Variants in ATM observed in about 807,000 individuals in gnomAD.
ATM encodes ATM serine/threonine kinase, also known as serine-protein kinase ATM.
A neutral mutation model predicts 387.0 loss-of-function variants in ATM; 308 were observed. The observed-to-expected ratio is 0.80, with a 90% CI of 0.73 to 0.87. The LOEUF is 0.87. ATM is among the 40% of genes least tolerant of loss of function. The pLI is 0.00. For synonymous variants in ATM, 1,156 were observed against 1,187.3 expected, an observed-to-expected ratio of 0.97 and a Z score of 0.54; for missense variants, 3,312 against 3,560.9, an observed-to-expected ratio of 0.93 and a Z score of 1.78.
At chr11:108,311,529 C>T (rs561838707) in intron 39 of ATM, among the ~76,000 whole-genome samples, 2 of 152,086 alleles carry the variant, frequency 1.3e-5, no homozygotes, top group South Asian at 4.2e-4. Flanking sequence ...GACCTCAGCT[C>T]TACTAAAAAT....
intron 4 of ATM, 53 bp downstream of exon 4, chr11:108,229,376 GA>G: frequency 3.1e-6 from 4 of 1,292,108 alleles, no homozygotes; most frequent in Non-Finnish European, 4.2e-6. Flanking sequence ...ACTGTCGCGT[GA>G]GTTTTTTTTT....
At chr11:108,358,393 T>C (rs1374118457) in intron 61 of ATM, among the ~76,000 whole-genome samples, 4 of 148,158 alleles carry the variant, frequency 2.7e-5, no homozygotes, top group South Asian at 2.2e-4. Flanking sequence ...CCAGGAGAAC[T>C]TCCCCAATCT....
chr11:108,365,498 C>A lies in ATM; in HGVS notation c.9161C>A (p.Ala3054Asp). The change falls in exon 63 of 63, where the codon GCT becomes GAT. Residue 3054 changes from alanine to aspartate, a missense_variant. Physicochemically the swap from Ala to Asp is moderately radical, Grantham distance 126. Transcript: ENST00000675843. ...AGCCGACTTTTCCCAGGATGGAAAG[C>A]TTGGGTGTGATCTTCAGTATATGAA... ...NLSRLFPGWK[A>D]WV 6.2e-7 allele frequency: 1 copy of A among 1,614,118 alleles called. No homozygotes were observed. The highest frequency in any genetic ancestry group is 2.2e-5 in the East Asian group (1 of 44,880).
At chr11:108,243,203 A>T (rs890801798) in intron 5 of ATM, among the ~76,000 whole-genome samples, 1 of 152,190 alleles carries the variant, frequency 6.6e-6, no homozygotes, top group Non-Finnish European at 1.5e-5. Context: ...TGGGTGACAG[A>T]GTAAGACTCT....
chr11:108,289,976 C>G (rs1164053554), intron 29 of ATM, 175 bp downstream of exon 29: 3 of 583,906 alleles, frequency 5.1e-6, no homozygotes, highest in Non-Finnish European at 8.9e-6. Flanking sequence ...TTCCTCCTCA[C>G]CCTGCCGGGT....
chr11:108,319,883 G>A (rs981393581), intron 43 of ATM, 71 bp from the exon 44 acceptor site: 7 of 1,083,954 alleles, frequency 6.5e-6, no homozygotes, highest in African/African-American at 4.8e-5. Flanking sequence ...GTCCTTTGGT[G>A]AAGCTATTTA....
chr11:108,333,826 G>C (rs2136605978), intron 53 of ATM, 60 bp from the exon 54 acceptor site: 1 of 1,333,976 alleles, frequency 7.5e-7, no homozygotes, highest in Admixed American at 1.7e-5. Context: ...GACTATTCCT[G>C]CTTGACCTTC....
At position 108,271,349 on chromosome 11, in the gene ATM, A is replaced by G. The variant is rs2135553674; in HGVS notation, c.3020A>G (p.Asp1007Gly). The G allele has an allele frequency of 6.2e-7, 1 of 1,613,868 alleles. No individual in the cohort carries two copies. The highest frequency in any genetic ancestry group is 8.5e-7 in the Non-Finnish European group (1 of 1,179,980). The change falls in exon 20 of 63, where the codon GAC (aspartate) becomes GGC (glycine). Residue 1007 changes from aspartate (D) to glycine (G), a missense_variant. Asp to Gly is a moderately conservative substitution (Grantham distance 94). Around this residue, in one of 4 missense-constraint regions of ATM, gnomAD observed 1,791 missense variants for 1,804.5 expected, o/e 0.99. Transcript: ENST00000675843. The part of the protein sequence containing the change: ...VVKNLGQSNM[D>G]SENTRDAQGQ... ...AAAAACCTAGGTCAAAGCAATATGG[A>G]CTCTGAGAACACAAGGGATGCTCAA... is the stretch of plus-strand genomic sequence containing the variant.
intron 55 of ATM, 29 bp from the exon 56 acceptor site, chr11:108,335,816 T>C (rs2086775041): frequency 1.9e-6 from 3 of 1,545,010 alleles, no homozygotes; most frequent in South Asian, 2.2e-5. Flanking sequence ...TAAACTGTAC[T>C]TGTTTATTCA....
chr11:108,288,522 T>A (rs1033080453), intron 27 of ATM, among the ~76,000 whole-genome samples: 2 of 142,150 alleles, frequency 1.4e-5, no homozygotes, highest in South Asian at 4.6e-4. Context: ...TTTTTTTTAA[T>A]GTGCCCTACT....
At chr11:108,318,698 A>C (rs2084961093) in intron 43 of ATM, among the ~76,000 whole-genome samples, 1 of 151,576 alleles carries the variant, frequency 6.6e-6, no homozygotes, top group Non-Finnish European at 1.5e-5. Context: ...CAAAAAAACA[A>C]AAAAAACACT....
chr11:108,286,901 C>T (rs2082523162), intron 26 of ATM, among the ~76,000 whole-genome samples: 1 of 152,182 alleles, frequency 6.6e-6, no homozygotes, highest in South Asian at 2.1e-4. Flanking sequence ...TTGTTATATT[C>T]ACCCTTAAGA....
Position 108,345,854 on chromosome 11 carries a change from A to G in ATM, c.8530A>G (p.Ile2844Val), listed in dbSNP as rs756230327. The part of the protein sequence containing the change: ...FCMEKFLDPA[I>V]WFEKRLAYTR... ...CATGGAAAAATTCTTGGATCCAGCT[A>G]TTTGGTTTGAGAAGCGATTGGCTTA... is the stretch of plus-strand genomic sequence containing the variant. The change falls in exon 58 of 63, where the codon ATT becomes GTT. Residue 2844 changes from isoleucine (I) to valine (V), a missense_variant. Transcript: ENST00000675843. The G allele has an allele frequency of 1.1e-5, 18 of 1,613,692 alleles. No individual in the cohort carries two copies. In the East Asian group the frequency reaches 1.8e-4, roughly 16 times the overall value.
intron 4 of ATM, chr11:108,230,497 G>T (rs2078957244): frequency 6.6e-6 from 1 of 152,172 alleles, no homozygotes; most frequent in South Asian, 2.1e-4. Context: ...TATGTTTTTA[G>T]TGTGACATCC....
At position 108,248,979 on chromosome 11, in the gene ATM, C is replaced by T. The variant is rs879254289; in HGVS notation, c.1112C>T (p.Thr371Ile). ...TRSLEISQSY[T>I]TTQRESSDYS... is the part of the protein sequence containing the mutation. ...TCCTTGGAGATTTCTCAATCTTACA[C>T]TACTACACAAAGAGAATCTAGTGAT... The change falls in exon 9 of 63, where the codon ACT becomes ATT. Residue 371 changes from threonine (T) to isoleucine (I), a missense_variant. By Grantham distance (89) the Thr-to-Ile change is moderately conservative (BLOSUM62 -1). Around this residue, in one of 4 missense-constraint regions of ATM, gnomAD observed 1,791 missense variants for 1,804.5 expected, o/e 0.99. Transcript: ENST00000675843. 11 of 1,612,228 alleles carry T rather than the reference C, an allele frequency of 6.8e-6. No individual in the cohort carries two copies. The highest frequency in any genetic ancestry group is 2.2e-5 in the East Asian group (1 of 44,846).
chr11:108,339,717 C>T (rs1159800538), intron 56 of ATM, among the ~76,000 whole-genome samples: 1 of 152,006 alleles, frequency 6.6e-6, no homozygotes, highest in Non-Finnish European at 1.5e-5. Context: ...AATCTCTCAA[C>T]AAAAAATAAG....
chr11:108,243,317 T>TA (rs2135212781), intron 5 of ATM, among the ~76,000 whole-genome samples: 1 of 151,712 alleles, frequency 6.6e-6, no homozygotes, highest in African/African-American at 2.4e-5. Context: ...ATTATTATTT[T>TA]AAAAAACTGT....
At position 108,317,414 on chromosome 11, in the gene ATM, T is replaced by A; in HGVS notation, c.6240T>A (p.Tyr2080Ter). 6.2e-7 allele frequency: 1 copy of A among 1,612,558 alleles called. No individual in the cohort carries two copies. Among genetic ancestry groups the A allele is most frequent in the South Asian group, 1.1e-5 (1 of 91,050 alleles). Residue 2080 changes from tyrosine (Y) to a stop codon, truncating the protein, a stop_gained, in exon 43 of 63, where the codon TAT becomes TAA. Transcript: ENST00000675843. LOFTEE classifies it high-confidence loss of function. ...GACTCTGCCATATTCTTTCCGTCTA[T>A]TTAAAAGGATTGGATTATGAAAATA... The part of the protein sequence containing the change: ...NLGLCHILSV[Y>*]LKGLDYENKD...
chr11:108,324,335 C>T (rs1013685266), intron 45 of ATM, among the ~76,000 whole-genome samples: 1 of 152,042 alleles, frequency 6.6e-6, no homozygotes, highest in African/African-American at 2.4e-5. Context: ...TACAGAGAAA[C>T]TACTGTAGTT....
Sources: gnomAD v4.1 joint callset for allele counts (sites outside exome capture counted in the v4.1 genomes callset) on GRCh38, gnomAD v4.1.1 for gene constraint, gnomAD v4.1.1 regional missense constraint, MANE v1.5 for transcripts, NCBI Gene and HGNC (gene_info 2026-07-23, HGNC 2026-07-21) for gene names.